Variants in LRRTM4 observed in about 807,000 individuals in gnomAD.
LRRTM4 encodes the protein leucine rich repeat transmembrane neuronal 4, also known as leucine-rich repeat transmembrane neuronal protein 4.
A neutral mutation model predicts 47.6 loss-of-function variants in LRRTM4; 25 were observed. The ratio of observed to expected loss-of-function variants is 0.53; its 90% CI spans 0.38 to 0.73. LRRTM4 has a LOEUF of 0.73. LRRTM4 is among the 30% of genes least tolerant of loss of function. LRRTM4 has a pLI of 0.00. For missense variants in LRRTM4, 638 were observed against 713.4 expected (o/e 0.89, Z 1.20); for synonymous variants, 311 against 269.5 (o/e 1.15, Z -1.51).
intron 3 of LRRTM4, among the ~76,000 whole-genome samples, chr2:76,956,342 T>C (rs1340403755): frequency 6.6e-6 from 1 of 151,340 alleles, no homozygotes; most frequent in East Asian, 2.0e-4. Context: ...TTTGGATAAC[T>C]AATACGTAAA....
At chr2:76,806,419 T>C (rs1378529682) in intron 3 of LRRTM4, among the ~76,000 whole-genome samples, 1 of 151,920 alleles carries the variant, frequency 6.6e-6, no homozygotes, top group Non-Finnish European at 1.5e-5. Flanking sequence ...CCGTCTCTAC[T>C]AAAAATACAA....
rs914577826 is a variant in LRRTM4 at position 76,748,924 on chromosome 2, T to G, written c.1552-8A>C. On this transcript the variant is annotated splice_polypyrimidine_tract_variant and splice_region_variant and intron_variant, in intron 3 of 3. Coordinates refer to ENST00000409884, the MANE Select transcript of LRRTM4 (RefSeq NM_001134745.3). ...CTTCATGTGGTGTGGCATCTGGATA[T>G]GAGAAATAGAAAGATGGGTGGATTA... is the stretch of plus-strand genomic sequence containing the variant. 4.3e-6 allele frequency: 7 copies of G among 1,611,424 alleles called. No individual in the cohort carries two copies. The highest frequency in any genetic ancestry group is 5.9e-6 in the Non-Finnish European group (7 of 1,177,852).
At chr2:77,079,732 T>C (rs974897375) in intron 3 of LRRTM4, among the ~76,000 whole-genome samples, 1 of 152,212 alleles carries the variant, frequency 6.6e-6, no homozygotes. Flanking sequence ...TTGATAATTA[T>C]TAGTTAAAAG....
intron 3 of LRRTM4, among the ~76,000 whole-genome samples, chr2:76,936,646 G>C (rs192911873): frequency 6.0e-5 from 9 of 150,466 alleles, no homozygotes; most frequent in African/African-American, 1.2e-4. Context: ...CTCTTTACTG[G>C]CAAGTTTCTC....
intron 3 of LRRTM4, among the ~76,000 whole-genome samples, chr2:77,486,074 G>C (rs2104030298): frequency 6.6e-6 from 1 of 151,978 alleles, no homozygotes; most frequent in South Asian, 2.1e-4. Flanking sequence ...TGCCTTCCAG[G>C]GACACACTTA....
At chr2:77,322,804 T>C (rs567068234) in intron 3 of LRRTM4, among the ~76,000 whole-genome samples, 1 of 149,364 alleles carries the variant, frequency 6.7e-6, no homozygotes, top group South Asian at 2.2e-4. Flanking sequence ...GGATTGAGGG[T>C]TGGGATGTTG....
At chr2:77,469,708 T>C (rs1677111615) in intron 3 of LRRTM4, among the ~76,000 whole-genome samples, 1 of 107,450 alleles carries the variant, frequency 9.3e-6, no homozygotes. Flanking sequence ...TTTATCTGTA[T>C]AGCATATATA....
chr2:77,199,247 G>C (rs1673911621), intron 3 of LRRTM4, among the ~76,000 whole-genome samples: 1 of 152,092 alleles, frequency 6.6e-6, no homozygotes, highest in South Asian at 2.1e-4. Flanking sequence ...TATGCACCAG[G>C]TAATCAAGTT....
intron 3 of LRRTM4, among the ~76,000 whole-genome samples, chr2:77,298,101 G>C (rs555726173): frequency 6.6e-6 from 1 of 152,256 alleles, no homozygotes; most frequent in East Asian, 1.9e-4. Flanking sequence ...ATCAAGAGAC[G>C]AATGGATTAA....
chr2:77,118,435 A>G (rs577388493), intron 3 of LRRTM4, among the ~76,000 whole-genome samples: 1 of 152,064 alleles, frequency 6.6e-6, no homozygotes, highest in South Asian at 2.1e-4. Flanking sequence ...ATTTGCTGAG[A>G]TTTAAGAGTT....
chr2:76,960,574 A>G (rs7586363), intron 3 of LRRTM4, among the ~76,000 whole-genome samples: 4 of 151,298 alleles, frequency 2.6e-5, no homozygotes, highest in African/African-American at 9.7e-5. Context: ...CAAATACTCA[A>G]TTTAGCAAAC....
chr2:76,930,885 A>G (rs894553993), intron 3 of LRRTM4, among the ~76,000 whole-genome samples: 1 of 152,212 alleles, frequency 6.6e-6, no homozygotes, highest in Non-Finnish European at 1.5e-5. Context: ...AATAAATTAT[A>G]ATGAATTACA....
intron 3 of LRRTM4, among the ~76,000 whole-genome samples, chr2:76,827,005 G>C (rs17013231): frequency 1.3e-5 from 2 of 151,616 alleles, no homozygotes; most frequent in South Asian, 4.2e-4. Context: ...CCTTGTGCAC[G>C]TCCTTCTCGT....
intron 3 of LRRTM4, among the ~76,000 whole-genome samples, chr2:77,374,581 T>G (rs1463881597): frequency 1.3e-5 from 2 of 151,830 alleles, no homozygotes; most frequent in East Asian, 3.9e-4. Context: ...AGTGAGACTT[T>G]ATTTTTGTAT....
At chr2:77,491,209 A>T (rs1678149441) in intron 3 of LRRTM4, among the ~76,000 whole-genome samples, 1 of 152,186 alleles carries the variant, frequency 6.6e-6, no homozygotes, top group Non-Finnish European at 1.5e-5. Context: ...AGTGACACAG[A>T]AGAAAACTTT....
At chr2:77,334,949 T>C (rs1415564008) in intron 3 of LRRTM4, among the ~76,000 whole-genome samples, 2 of 152,222 alleles carry the variant, frequency 1.3e-5, no homozygotes, top group Non-Finnish European at 2.9e-5. Flanking sequence ...TAGCATATGA[T>C]AGACATTTAG....
chr2:76,807,378 C>A (rs1263384912), intron 3 of LRRTM4, among the ~76,000 whole-genome samples: 2 of 101,494 alleles, frequency 2.0e-5, no homozygotes, highest in African/African-American at 6.8e-5. Context: ...TATAAACATT[C>A]ATTTTATATA....
At chr2:76,978,355 A>T (rs1159206235) in intron 3 of LRRTM4, among the ~76,000 whole-genome samples, 2 of 152,088 alleles carry the variant, frequency 1.3e-5, no homozygotes, top group Non-Finnish European at 2.9e-5. Context: ...GCTTAAGTTG[A>T]AGGATTTTAT....
At chr2:77,061,531 A>T (rs1679784761) in intron 3 of LRRTM4, among the ~76,000 whole-genome samples, 1 of 152,204 alleles carries the variant, frequency 6.6e-6, no homozygotes. Flanking sequence ...CTTAGGGGTC[A>T]TGACAAACAT....
Sources: gnomAD v4.1 joint callset for allele counts (sites outside exome capture counted in the v4.1 genomes callset) on GRCh38, gnomAD v4.1.1 for gene constraint, MANE v1.5 for transcripts, NCBI Gene and HGNC (gene_info 2026-07-23, HGNC 2026-07-21) for gene names.